Variants in AGK observed in about 807,000 individuals in gnomAD.
AGK encodes acylglycerol kinase.
In AGK, 52 loss-of-function variants were observed where a neutral mutation model predicts 66.4. The observed-to-expected ratio is 0.78, with a 90% CI of 0.63 to 0.99. The LOEUF (loss-of-function observed/expected upper bound fraction) is 0.99, where lower values mean the gene tolerates loss of function less well. Ranked by LOEUF, AGK falls within the 50% of genes least tolerant of loss-of-function variation. AGK has a pLI of 0.00. For synonymous variants in AGK, 182 were observed against 181.1 expected, an observed-to-expected ratio of 1.00 and a Z score of -0.04; for missense variants, 451 against 506.6, an observed-to-expected ratio of 0.89 and a Z score of 1.05.
At chr7:141,562,790 G>A (rs1795377944) in intron 2 of AGK, among the ~76,000 whole-genome samples, 1 of 152,204 alleles carries the variant, frequency 6.6e-6, no homozygotes, top group Admixed American at 6.5e-5. Flanking sequence ...CGCTGAGAAA[G>A]CAGGCAAGGC....
intron 9 of AGK, among the ~76,000 whole-genome samples, chr7:141,624,630 A>G (rs752958717): frequency 2.0e-5 from 3 of 152,198 alleles, no homozygotes; most frequent in Non-Finnish European, 4.4e-5. Context: ...TGGAACCTGA[A>G]GATGTGATTG....
chr7:141,615,434 C>T, intron 7 of AGK, 37 bp from the exon 8 acceptor site: 5 of 1,563,248 alleles, frequency 3.2e-6, no homozygotes, highest in Non-Finnish European at 4.4e-6. Flanking sequence ...ATTTTCTGAT[C>T]ATAACAATAA....
At chr7:141,602,173 T>TTGTGTGTGTGTGTGTGGGTGTGTG (rs1554400560) in intron 5 of AGK, among the ~76,000 whole-genome samples, 1 of 125,314 alleles carries the variant, frequency 8.0e-6, no homozygotes, top group Non-Finnish European at 1.7e-5. Context: ...GGAGATTTTC[T>TTGTGTGTGTGTGTGTGGGTGTGTG]TGTGTGTGTG....
At chr7:141,591,374 T>G (rs983479344) in intron 2 of AGK, among the ~76,000 whole-genome samples, 3 of 152,138 alleles carry the variant, frequency 2.0e-5, no homozygotes, top group Non-Finnish European at 4.4e-5. Context: ...ATTACAGGTG[T>G]GAGCCACTGT....
At chr7:141,570,840 T>G (rs1562961012) in intron 2 of AGK, among the ~76,000 whole-genome samples, 1 of 152,198 alleles carries the variant, frequency 6.6e-6, no homozygotes, top group Non-Finnish European at 1.5e-5. Flanking sequence ...CCACATTGTT[T>G]TACTGTACAT....
At chr7:141,566,687 GTC>G (rs1191141282) in intron 2 of AGK, among the ~76,000 whole-genome samples, 1 of 152,124 alleles carries the variant, frequency 6.6e-6, no homozygotes, top group Non-Finnish European at 1.5e-5. Flanking sequence ...TTGATGTTCT[GTC>G]TCTCTGTCTC....
chr7:141,629,794 GAAGA>G (rs1376024681), intron 9 of AGK, among the ~76,000 whole-genome samples: 1 of 151,990 alleles, frequency 6.6e-6, no homozygotes, highest in Admixed American at 6.6e-5. Flanking sequence ...CCCCCGAGAT[GAAGA>G]AAGAGAAAAC....
At chr7:141,578,058 T>A (rs756912087) in intron 2 of AGK, among the ~76,000 whole-genome samples, 9 of 152,130 alleles carry the variant, frequency 5.9e-5, no homozygotes, top group Non-Finnish European at 1.2e-4. Flanking sequence ...TCAAGTGATC[T>A]GCCTGCCTTG....
chr7:141,648,117 G>C (rs1053810403), intron 13 of AGK, among the ~76,000 whole-genome samples: 1 of 152,114 alleles, frequency 6.6e-6, no homozygotes, highest in Non-Finnish European at 1.5e-5. Flanking sequence ...CCTCTCCAAG[G>C]CTTCTCCACG....
intron 2 of AGK, among the ~76,000 whole-genome samples, chr7:141,591,685 A>G (rs1796124500): frequency 6.6e-6 from 1 of 152,226 alleles, no homozygotes; most frequent in African/African-American, 2.4e-5. Flanking sequence ...AGAGAATATA[A>G]GCAAAATAAC....
At chr7:141,552,788 G>C (rs1038563422) in intron 1 of AGK, among the ~76,000 whole-genome samples, 4 of 152,110 alleles carry the variant, frequency 2.6e-5, no homozygotes, top group Non-Finnish European at 5.9e-5. Flanking sequence ...GTATAGGATC[G>C]AGGAAAGGAA....
At chr7:141,565,413 G>A (rs1035464948) in intron 2 of AGK, among the ~76,000 whole-genome samples, 8 of 152,136 alleles carry the variant, frequency 5.3e-5, no homozygotes, top group African/African-American at 9.7e-5. Context: ...CACTTTGGGA[G>A]GCCGAGGCGG....
intron 2 of AGK, among the ~76,000 whole-genome samples, chr7:141,587,967 T>C (rs1364311253): frequency 6.6e-6 from 1 of 152,224 alleles, no homozygotes; most frequent in Non-Finnish European, 1.5e-5. Context: ...CTAAGCTTCT[T>C]CAGGGCAGGA....
rs974445218 is a variant in AGK, at chr7:141,653,144, G to A, written c.*220G>A. ...AGCGCATGTTTTATTTTGGTGTGAC[G>A]GTTGGCCCTCCTAAACACGGACTTT... On this transcript the variant is annotated 3_prime_UTR_variant, in exon 16 of 16. Transcript: ENST00000649286. 4.4e-5 allele frequency: 23 copies of A among 521,192 alleles called. No homozygotes were observed. The highest frequency in any genetic ancestry group is 9.7e-5 in the East Asian group (3 of 31,018). The allele number at this position is 521,192 out of a possible 1,614,324, so 32.3% of individuals were successfully genotyped here.
chr7:141,563,471 G>A (rs1484303003), intron 2 of AGK, among the ~76,000 whole-genome samples: 1 of 152,216 alleles, frequency 6.6e-6, no homozygotes, highest in Non-Finnish European at 1.5e-5. Flanking sequence ...TTTGGCGCCT[G>A]GCTTATCAAT....
At chr7:141,639,280 C>A (rs1227324434) in intron 11 of AGK, among the ~76,000 whole-genome samples, 3 of 152,158 alleles carry the variant, frequency 2.0e-5, no homozygotes, top group Non-Finnish European at 4.4e-5. Flanking sequence ...GGACACGCTA[C>A]TCCTTCAAGA....
chr7:141,597,056 G>A, intron 4 of AGK: 1 of 160,712 alleles, frequency 6.2e-6, no homozygotes, highest in Non-Finnish European at 1.4e-5. Context: ...GCTAGACCTG[G>A]GAGGAAGCAG....
intron 8 of AGK, among the ~76,000 whole-genome samples, chr7:141,618,222 G>T (rs974070879): frequency 4.6e-5 from 7 of 152,138 alleles, no homozygotes; most frequent in Non-Finnish European, 1.5e-5. Context: ...TTTAGATGTG[G>T]ATTTTTTCTT....
chr7:141,601,166 C>T (rs916811025), intron 4 of AGK, 39 bp from the exon 5 acceptor site: 1 of 1,460,194 alleles, frequency 6.8e-7, no homozygotes, highest in Non-Finnish European at 9.6e-7. Flanking sequence ...CTCTTGATAA[C>T]CTGTGTTAAA....
Sources: allele counts gnomAD v4.1 joint callset (sites outside exome capture counted in the v4.1 genomes callset), GRCh38; gene constraint gnomAD v4.1.1; transcripts MANE v1.5; gene names NCBI Gene and HGNC (gene_info 2026-07-23, HGNC 2026-07-21).